ENTREP2: variants seen among roughly 807,000 people sequenced by gnomAD.
ENTREP2 encodes endosomal transmembrane epsin interactor 2, also known as protein ENTREP2.
the ENTREP2 span, among the ~76,000 whole-genome samples, chr15:29,590,921 T>C: frequency 6.6e-6 from 1 of 152,168 alleles, no homozygotes; most frequent in Non-Finnish European, 1.5e-5. Context: ...TATAATGTGA[T>C]TCTCTTCAGA....
At chr15:29,595,253 AAAAAT>A in the ENTREP2 span, among the ~76,000 whole-genome samples, 3 of 149,874 alleles carry the variant, frequency 2.0e-5, no homozygotes, top group African/African-American at 4.9e-5. Flanking sequence ...ACTCCGTCTC[AAAAAT>A]AAAATAAAAT....
At chr15:29,476,965 C>T in the ENTREP2 span, among the ~76,000 whole-genome samples, 19 of 152,132 alleles carry the variant, frequency 1.2e-4, no homozygotes, top group Non-Finnish European at 2.5e-4. Context: ...AGGCCACGTA[C>T]GAGAATGTGT....
the ENTREP2 span, among the ~76,000 whole-genome samples, chr15:29,210,039 T>A: frequency 6.6e-6 from 1 of 152,086 alleles, no homozygotes; most frequent in Non-Finnish European, 1.5e-5. Flanking sequence ...CATCTTGGGG[T>A]CTACTAATCC....
the ENTREP2 span, among the ~76,000 whole-genome samples, chr15:29,140,715 A>C: frequency 1.3e-5 from 2 of 150,834 alleles, no homozygotes; most frequent in South Asian, 2.1e-4. Flanking sequence ...CCCCTCCCCC[A>C]TCCCACCCAA....
chr15:29,223,974 T>G, the ENTREP2 span, among the ~76,000 whole-genome samples: 1 of 152,160 alleles, frequency 6.6e-6, no homozygotes, highest in African/African-American at 2.4e-5. Flanking sequence ...TAGCTCCACC[T>G]CTGTACTCAG....
At chr15:29,432,339 T>C in the ENTREP2 span, among the ~76,000 whole-genome samples, 1 of 152,140 alleles carries the variant, frequency 6.6e-6, no homozygotes, top group Non-Finnish European at 1.5e-5. Flanking sequence ...ACGCCTGCCA[T>C]GTCTGAGCTC....
the ENTREP2 span, chr15:29,124,839 A>T: frequency 7.9e-7 from 1 of 1,259,578 alleles, no homozygotes; most frequent in African/African-American, 1.5e-5. Flanking sequence ...CCCGCCTGTG[A>T]CTAAGACATT....
the ENTREP2 span, among the ~76,000 whole-genome samples, chr15:29,514,656 T>C: frequency 6.6e-6 from 1 of 152,194 alleles, no homozygotes; most frequent in Non-Finnish European, 1.5e-5. Context: ...ATTCCCACTT[T>C]AGTCTATTTC....
the ENTREP2 span, among the ~76,000 whole-genome samples, chr15:29,395,451 T>C: frequency 6.6e-6 from 1 of 152,138 alleles, no homozygotes; most frequent in Non-Finnish European, 1.5e-5. Flanking sequence ...ACAAATAGAA[T>C]TACCATATGG....
At chr15:29,529,443 C>T in the ENTREP2 span, among the ~76,000 whole-genome samples, 3 of 151,872 alleles carry the variant, frequency 2.0e-5, no homozygotes, top group African/African-American at 7.3e-5. Flanking sequence ...GCTGGAGGGG[C>T]TGTCATGAGT....
the ENTREP2 span, among the ~76,000 whole-genome samples, chr15:29,647,516 A>G: frequency 6.6e-6 from 1 of 152,208 alleles, no homozygotes; most frequent in Non-Finnish European, 1.5e-5. Context: ...TGTAATGTAC[A>G]GTACAGGCAA....
chr15:29,541,052 C>A, the ENTREP2 span, among the ~76,000 whole-genome samples: 1 of 152,220 alleles, frequency 6.6e-6, no homozygotes, highest in Non-Finnish European at 1.5e-5. Flanking sequence ...CAGAGCAGTT[C>A]TTTGTCATCG....
the ENTREP2 span, among the ~76,000 whole-genome samples, chr15:29,647,753 C>T: frequency 3.9e-5 from 6 of 152,096 alleles, no homozygotes; most frequent in South Asian, 2.1e-4. Context: ...ATACCTCTCC[C>T]GGAAAACCCT....
At chr15:29,512,802 G>A in the ENTREP2 span, among the ~76,000 whole-genome samples, 5 of 152,148 alleles carry the variant, frequency 3.3e-5, no homozygotes, top group African/African-American at 1.2e-4. Flanking sequence ...AGAGCAGCCC[G>A]AGCTGACTAA....
At chr15:29,305,371 T>C in the ENTREP2 span, among the ~76,000 whole-genome samples, 1 of 152,184 alleles carries the variant, frequency 6.6e-6, no homozygotes, top group Non-Finnish European at 1.5e-5. Context: ...TACAGGTTTT[T>C]AAAAGTTCAT....
At chr15:29,447,910 A>C in the ENTREP2 span, among the ~76,000 whole-genome samples, 1 of 151,880 alleles carries the variant, frequency 6.6e-6, no homozygotes, top group Non-Finnish European at 1.5e-5. Context: ...TAAAAATACA[A>C]AAAAAATTAG....
At chr15:29,145,550 G>A in the ENTREP2 span, among the ~76,000 whole-genome samples, 1 of 148,594 alleles carries the variant, frequency 6.7e-6, no homozygotes, top group Non-Finnish European at 1.5e-5. Flanking sequence ...GTGAACCCGG[G>A]AGGCAGAGCT....
the ENTREP2 span, among the ~76,000 whole-genome samples, chr15:29,564,180 A>C: frequency 6.6e-6 from 1 of 151,166 alleles, no homozygotes; most frequent in African/African-American, 2.4e-5. Flanking sequence ...TGAAAGACTC[A>C]AAATAGGAAT....
At chr15:29,496,775 T>A in the ENTREP2 span, among the ~76,000 whole-genome samples, 1 of 152,224 alleles carries the variant, frequency 6.6e-6, no homozygotes, top group Admixed American at 6.5e-5. Flanking sequence ...ACTTATTTGT[T>A]TAATATGCTA....
Sources: gnomAD v4.1 joint callset for allele counts (sites outside exome capture counted in the v4.1 genomes callset) on GRCh38, gnomAD v4.1.1 for gene constraint, MANE v1.5 for transcripts, NCBI Gene and HGNC (gene_info 2026-07-23, HGNC 2026-07-21) for gene names.